OXR1: variants seen among roughly 807,000 people sequenced by gnomAD.
The protein encoded by OXR1 is oxidation resistance protein 1.
A neutral mutation model predicts 104.6 loss-of-function variants in OXR1; 41 were observed. The observed-to-expected ratio is 0.39, with a 90% CI of 0.31 to 0.51. The LOEUF (loss-of-function observed/expected upper bound fraction) is 0.51. OXR1 is among the 20% of genes least tolerant of loss of function. The pLI is 0.77. For missense variants in OXR1, 955 were observed against 1,031.9 expected, an observed-to-expected ratio of 0.93 and a Z score of 1.02; for synonymous variants, 348 against 348.4, an observed-to-expected ratio of 1.00 and a Z score of 0.01.
intron 2 of OXR1, among the ~76,000 whole-genome samples, chr8:106,375,608 A>G (rs1412867657): frequency 2.6e-5 from 4 of 152,190 alleles, no homozygotes. Context: ...TCTGACTACT[A>G]GGAAAGGGAT....
chr8:106,344,767 T>C (rs1174972302), intron 1 of OXR1, among the ~76,000 whole-genome samples: 1 of 152,248 alleles, frequency 6.6e-6, no homozygotes, highest in Non-Finnish European at 1.5e-5. Context: ...ATATTATGTG[T>C]AACACTCTTG....
chr8:106,397,725 C>CA (rs1817838244), intron 2 of OXR1, among the ~76,000 whole-genome samples: 1 of 152,010 alleles, frequency 6.6e-6, no homozygotes, highest in Non-Finnish European at 1.5e-5. Flanking sequence ...TAAAAGTCAA[C>CA]ATGACCCAAG....
intron 3 of OXR1, among the ~76,000 whole-genome samples, chr8:106,523,209 A>C (rs1306952519): frequency 6.6e-6 from 1 of 152,196 alleles, no homozygotes; most frequent in Non-Finnish European, 1.5e-5. Flanking sequence ...CCTCTGCCTC[A>C]ACCAACCAAG....
At chr8:106,422,791 T>C (rs560361421) in intron 2 of OXR1, among the ~76,000 whole-genome samples, 2 of 152,312 alleles carry the variant, frequency 1.3e-5, no homozygotes, top group South Asian at 4.1e-4. Flanking sequence ...CAGTCAGTTG[T>C]AGAGTCAGAA....
chr8:106,510,575 A>T (rs568473373), intron 2 of OXR1, among the ~76,000 whole-genome samples: 3 of 152,356 alleles, frequency 2.0e-5, no homozygotes, highest in African/African-American at 7.2e-5. Context: ...TCTAGTATTC[A>T]TAGCATAAAA....
intron 1 of OXR1, among the ~76,000 whole-genome samples, chr8:106,330,466 T>G (rs972180187): frequency 2.0e-5 from 3 of 152,166 alleles, no homozygotes; most frequent in African/African-American, 7.2e-5. Context: ...GAAAAAAAAG[T>G]TGTATGATCG....
chr8:106,279,433 T>C (rs975421004), intron 1 of OXR1, among the ~76,000 whole-genome samples: 18 of 152,192 alleles, frequency 1.2e-4, no homozygotes, highest in Non-Finnish European at 2.1e-4. Flanking sequence ...TGTTCCTAAA[T>C]ATTATGGGTA....
intron 3 of OXR1, chr8:106,617,896 C>T (rs1563646269): frequency 6.1e-6 from 2 of 329,470 alleles, no homozygotes; most frequent in African/African-American, 2.2e-5. Context: ...CAGAGCATGT[C>T]GTCGTCACCG....
At chr8:106,514,278 A>G (rs1039995696) in intron 2 of OXR1, among the ~76,000 whole-genome samples, 1 of 152,186 alleles carries the variant, frequency 6.6e-6, no homozygotes, top group African/African-American at 2.4e-5. Context: ...AAAAATTTAA[A>G]AAGACTTCCC....
intron 1 of OXR1, among the ~76,000 whole-genome samples, chr8:106,346,006 G>T (rs1474023345): frequency 6.6e-6 from 1 of 152,112 alleles, no homozygotes; most frequent in Non-Finnish European, 1.5e-5. Flanking sequence ...TAGTACAAAA[G>T]ATTTTAAAAC....
intron 11 of OXR1, among the ~76,000 whole-genome samples, chr8:106,719,308 C>A (rs1292221852): frequency 6.6e-6 from 1 of 152,182 alleles, no homozygotes; most frequent in African/African-American, 2.4e-5. Flanking sequence ...TTGACATCTG[C>A]TATTTCGTGA....
chr8:106,574,564 C>T (rs1327621946), intron 3 of OXR1, among the ~76,000 whole-genome samples: 2 of 152,210 alleles, frequency 1.3e-5, no homozygotes. Context: ...CAGTTAAACC[C>T]TGTATCTTCA....
chr8:106,318,620 A>T (rs775111527), intron 1 of OXR1, among the ~76,000 whole-genome samples: 22 of 152,134 alleles, frequency 1.4e-4, no homozygotes, highest in Admixed American at 1.3e-3. Context: ...GGTCAGCTCA[A>T]ATTTACCCTT....
intron 3 of OXR1, among the ~76,000 whole-genome samples, chr8:106,591,305 G>C (rs1290015618): frequency 1.1e-5 from 1 of 90,936 alleles, no homozygotes; most frequent in South Asian, 5.1e-4. Context: ...GGGGAGGGGG[G>C]AGGGGGGAGG....
At chr8:106,512,897 T>C (rs1812631506) in intron 2 of OXR1, among the ~76,000 whole-genome samples, 2 of 152,192 alleles carry the variant, frequency 1.3e-5, no homozygotes, top group African/African-American at 4.8e-5. Flanking sequence ...AGAAAGCTAT[T>C]GAAATAAAGA....
intron 3 of OXR1, chr8:106,618,040 A>G: frequency 6.6e-7 from 1 of 1,525,710 alleles, no homozygotes; most frequent in Non-Finnish European, 8.8e-7. Flanking sequence ...GCGGGAGGAG[A>G]AGGCACTCTG....
chr8:106,454,814 T>A (rs1820514937), intron 2 of OXR1, among the ~76,000 whole-genome samples: 2 of 152,114 alleles, frequency 1.3e-5, no homozygotes, highest in Middle Eastern at 3.2e-3. Flanking sequence ...GGCAGATGCT[T>A]TTTTGACTCT....
intron 2 of OXR1, among the ~76,000 whole-genome samples, chr8:106,487,836 G>T (rs377448225): frequency 6.6e-6 from 1 of 151,556 alleles, no homozygotes; most frequent in African/African-American, 2.4e-5. Context: ...TGGACATTTG[G>T]GTTGGTTCCA....
At chr8:106,409,680 G>C (rs1225807818) in intron 2 of OXR1, among the ~76,000 whole-genome samples, 1 of 152,128 alleles carries the variant, frequency 6.6e-6, no homozygotes. Flanking sequence ...TTACTCACTA[G>C]CTTTATTTTA....
Sources: allele counts gnomAD v4.1 joint callset (sites outside exome capture counted in the v4.1 genomes callset), GRCh38; gene constraint gnomAD v4.1.1; transcripts MANE v1.5; gene names NCBI Gene and HGNC (gene_info 2026-07-23, HGNC 2026-07-21).